TMEM123: variants seen among roughly 807,000 people sequenced by gnomAD.
TMEM123 encodes the protein porimin.
Under a neutral mutation model 19.7 loss-of-function variants are expected in TMEM123, and 16 were observed. The ratio of observed to expected loss-of-function variants is 0.81; its 90% confidence interval spans 0.55 to 1.23. TMEM123 has a LOEUF of 1.23. TMEM123 is among the 50% of genes most tolerant of loss of function. TMEM123 has a pLI of 0.00. For synonymous variants in TMEM123, 118 were observed against 99.4 expected (o/e 1.19, Z -1.12); for missense variants, 313 against 257.8 (o/e 1.21, Z -1.47).
intron 2 of TMEM123, among the ~76,000 whole-genome samples, chr11:102,406,661 G>A (rs1249361335): frequency 6.6e-6 from 1 of 151,994 alleles, no homozygotes; most frequent in Non-Finnish European, 1.5e-5. Context: ...AGATCACGAG[G>A]TCAGGAGATC....
chr11:102,412,315 C>A (rs1952012352), intron 2 of TMEM123, among the ~76,000 whole-genome samples: 1 of 152,170 alleles, frequency 6.6e-6, no homozygotes, highest in Non-Finnish European at 1.5e-5. Flanking sequence ...GTAATCCCAG[C>A]TACTCAGGAA....
intron 2 of TMEM123, among the ~76,000 whole-genome samples, chr11:102,436,800 A>G (rs1857767841): frequency 6.6e-6 from 1 of 152,248 alleles, no homozygotes; most frequent in Non-Finnish European, 1.5e-5. Flanking sequence ...GTGAAAAAGG[A>G]GTATTTAATG....
rs1303008480 is a variant in TMEM123 at position 102,397,977 on chromosome 11, AAT to A, written c.*888_*889del. ...TTGAAAGCAGCTCTACAGTTCTTAA[AAT>A]ATTCACAAAATATAAAATTAAAATT... On this transcript the variant is annotated 3_prime_UTR_variant, in exon 5 of 5. Transcript: ENST00000398136. 2.6e-5 allele frequency: 4 copies of A among 152,208 alleles called. No individual in the cohort carries two copies. Among genetic ancestry groups the A allele is most frequent in the African/African-American group, 9.6e-5 (4 of 41,464 alleles). 9.4% of individuals were successfully genotyped at this position (152,208 alleles called of 1,614,324 possible). A position where few individuals can be genotyped will look rare whatever the true frequency, so the allele number is the denominator to read the frequency against.
intron 1 of TMEM123, among the ~76,000 whole-genome samples, chr11:102,450,924 C>T (rs1857931755): frequency 6.6e-6 from 1 of 152,176 alleles, no homozygotes; most frequent in Admixed American, 6.5e-5. Context: ...ATGAAGACTA[C>T]GATTAACAGT....
chr11:102,401,953 G>A lies in TMEM123; in HGVS notation c.411C>T (p.His137=), dbSNP rs746703834. The change falls in exon 3 of 5, where the codon CAC becomes CAT. Residue 137 remains histidine, a synonymous_variant. Coordinates refer to ENST00000398136, the MANE Select transcript of TMEM123 (RefSeq NM_052932.3). ...AAGCAGCAGATGTCACTGAACTATT[G>A]TGGGTTACGGTCATTGTGGATGTTG... ...QISTSTMTVT[H]NSSVTSAASS... 9 of 1,614,038 alleles carry A rather than the reference G, an allele frequency of 5.6e-6. No homozygotes were observed. The highest frequency in any genetic ancestry group is 6.8e-6 in the Non-Finnish European group (8 of 1,180,028).
intron 2 of TMEM123, among the ~76,000 whole-genome samples, chr11:102,442,967 T>C (rs1473389793): frequency 6.6e-6 from 1 of 152,060 alleles, no homozygotes; most frequent in Non-Finnish European, 1.5e-5. Flanking sequence ...GAGAATAAAA[T>C]ACCTAGGAAT....
At chr11:102,442,534 T>C (rs186062354) in intron 2 of TMEM123, among the ~76,000 whole-genome samples, 36 of 152,190 alleles carry the variant, frequency 2.4e-4, no homozygotes, top group African/African-American at 7.5e-4. Flanking sequence ...AGGGTATTGA[T>C]GGAACGTATC....
chr11:102,448,264 C>T, intron 2 of TMEM123: 1 of 456,216 alleles, frequency 2.2e-6, no homozygotes, highest in South Asian at 1.5e-5. Flanking sequence ...ATATTGATGA[C>T]ATCAGCCTGG....
chr11:102,449,922 GATTCCTAAGCCTGC>G (rs1418942240), intron 1 of TMEM123, among the ~76,000 whole-genome samples: 1 of 152,208 alleles, frequency 6.6e-6, no homozygotes, highest in African/African-American at 2.4e-5. Flanking sequence ...CAGATAGTTT[GATTCCTAAGCCTGC>G]AGATATGAGT....
At position 102,396,691 on chromosome 11, in the gene TMEM123, T is replaced by C. The variant is rs1951858912; in HGVS notation, c.*2176A>G. On this transcript the variant is annotated 3_prime_UTR_variant, in exon 5 of 5. Transcript: ENST00000398136. ...TTGCATAACCATTTCCCTCAATTTT[T>C]ATAGATAACAACAACAAAAAAACCT... 2.0e-5 allele frequency: 3 copies of C among 152,192 alleles called. No individual in the cohort carries two copies. Among genetic ancestry groups the C allele is most frequent in the Admixed American group, 2.0e-4 (3 of 15,278 alleles). The allele number at this position is 152,192 out of a possible 1,614,324, so 9.4% of individuals were successfully genotyped here. A position where few individuals can be genotyped will look rare whatever the true frequency, so the allele number is the denominator to read the frequency against.
chr11:102,448,269 G>A (rs1857904247), intron 2 of TMEM123: 2 of 456,120 alleles, frequency 4.4e-6, no homozygotes, highest in African/African-American at 2.0e-5. Context: ...GATGACATCA[G>A]CCTGGTTCTT....
At chr11:102,452,464 C>G (rs925272347) in intron 1 of TMEM123, 60 bp downstream of exon 1, 2 of 1,350,982 alleles carry the variant, frequency 1.5e-6, no homozygotes, top group African/African-American at 3.0e-5. Context: ...CTTGGGAACC[C>G]AAGCCTCGGC....
Position 102,427,795 on chromosome 11 carries a change from G to A in TMEM123, c.157+21017C>T, listed in dbSNP as rs186057418. Among the ~76,000 whole-genome samples, 419 of 147,286 alleles carry A rather than the reference G, an allele frequency of 2.8e-3. 3 individuals are homozygous for A. Among genetic ancestry groups the A allele is most frequent in the African/African-American group, 1.0e-2 (402 of 40,308 alleles). Reference sequence around the variant, plus strand: ...AGAGGTTGCAGTGAGCCGAGATCGCGCCACTGCACTCCAGCCTGGGCAACA... The same window carrying A: ...AGAGGTTGCAGTGAGCCGAGATCGCACCACTGCACTCCAGCCTGGGCAACA... On this transcript the variant is annotated intron_variant, in intron 2 of 4. Coordinates refer to ENST00000398136, the MANE Select transcript of TMEM123 (RefSeq NM_052932.3).
At chr11:102,413,504 C>T (rs902040044) in intron 2 of TMEM123, among the ~76,000 whole-genome samples, 9 of 152,162 alleles carry the variant, frequency 5.9e-5, no homozygotes, top group African/African-American at 1.7e-4. Context: ...TGCCAGTGGA[C>T]CAGGAACACC....
At chr11:102,448,164 T>G in intron 2 of TMEM123, 1 of 450,830 alleles carries the variant, frequency 2.2e-6, no homozygotes, top group East Asian at 7.0e-5. Context: ...TTTTTCTAGT[T>G]TCCAACTCAG....
chr11:102,447,796 C>A (rs1261885032), intron 2 of TMEM123, among the ~76,000 whole-genome samples: 1 of 152,104 alleles, frequency 6.6e-6, no homozygotes, highest in African/African-American at 2.4e-5. Context: ...TGACTACGTA[C>A]CACCAGACAC....
intron 1 of TMEM123, among the ~76,000 whole-genome samples, chr11:102,451,433 A>C (rs1371874258): frequency 2.0e-5 from 3 of 152,226 alleles, no homozygotes; most frequent in African/African-American, 7.2e-5. Context: ...TCAGCAAAAC[A>C]AAGAAAAATT....
At chr11:102,399,644 A>ACGT (rs1163876855) in intron 4 of TMEM123, among the ~76,000 whole-genome samples, 2 of 152,244 alleles carry the variant, frequency 1.3e-5, no homozygotes, top group Admixed American at 6.5e-5. Flanking sequence ...TGATAAATAT[A>ACGT]TGCAACGTAA....
intron 2 of TMEM123, among the ~76,000 whole-genome samples, chr11:102,409,837 C>A (rs566983184): frequency 9.9e-4 from 150 of 151,858 alleles, no homozygotes; most frequent in Non-Finnish European, 3.8e-4. Context: ...TGCTCCCCAG[C>A]CTGGGTGACA....
Sources: allele counts gnomAD v4.1 joint callset (sites outside exome capture counted in the v4.1 genomes callset), GRCh38; gene constraint gnomAD v4.1.1; transcripts MANE v1.5; gene names NCBI Gene and HGNC (gene_info 2026-07-23, HGNC 2026-07-21).